FMNL2: variants seen among roughly 807,000 people sequenced by gnomAD.
FMNL2 encodes formin like 2, also known as formin-like protein 2.
In FMNL2, 51 loss-of-function variants were observed where a neutral mutation model predicts 130.2. The ratio of observed to expected loss-of-function variants is 0.39; its 90% CI spans 0.31 to 0.49. FMNL2 has a LOEUF of 0.49. Among genes scored for constraint, FMNL2 ranks in the 20% least tolerant of loss-of-function variants. The pLI, the probability that FMNL2 is intolerant of heterozygous loss-of-function variation, is 0.85. For synonymous variants in FMNL2, 465 were observed against 467.1 expected (o/e 1.00, Z 0.06); for missense variants, 977 against 1,316.2 (o/e 0.74, Z 3.99).
intron 11 of FMNL2, among the ~76,000 whole-genome samples, chr2:152,614,530 G>C (rs760505913): frequency 4.6e-5 from 7 of 152,096 alleles, no homozygotes; most frequent in Admixed American, 6.6e-5. Context: ...GGATCACGAG[G>C]TCAGGAGATC....
At chr2:152,431,692 T>C (rs1687499260) in intron 1 of FMNL2, among the ~76,000 whole-genome samples, 1 of 152,022 alleles carries the variant, frequency 6.6e-6, no homozygotes, top group African/African-American at 2.4e-5. Flanking sequence ...CTGAGCCCAG[T>C]GTGAGGCTCA....
intron 4 of FMNL2, among the ~76,000 whole-genome samples, 177 bp downstream of exon 4, chr2:152,549,274 G>C (rs750179924): frequency 6.6e-6 from 1 of 152,214 alleles, no homozygotes; most frequent in African/African-American, 2.4e-5. Flanking sequence ...ATCAGCAGAA[G>C]CAAGACAGAT....
intron 8 of FMNL2, among the ~76,000 whole-genome samples, chr2:152,580,172 A>G (rs748247956): frequency 5.3e-5 from 8 of 152,232 alleles, no homozygotes; most frequent in Non-Finnish European, 1.0e-4. Context: ...ATTGTGGAGT[A>G]TCAGAACAGT....
intron 1 of FMNL2, among the ~76,000 whole-genome samples, chr2:152,512,066 A>T (rs1387897763): frequency 2.6e-5 from 4 of 152,162 alleles, no homozygotes; most frequent in Non-Finnish European, 5.9e-5. Context: ...ATTTGGCCTC[A>T]TGTTGTCTAA....
At position 152,583,404 on chromosome 2, in the gene FMNL2, A is replaced by G. The variant is rs569009625; in HGVS notation, c.876+2355A>G. 1.1e-4 allele frequency among the ~76,000 whole-genome samples: 17 copies of G among 152,322 alleles called. 1 individual carries two copies. The highest frequency in any genetic ancestry group is 4.1e-4 in the African/African-American group (17 of 41,570). ...TTCAAGTATGAGTTAGAAAATAGTG[A>G]AAGTGTGGAGATTTATTGCAAAGCA... On this transcript the variant is annotated intron_variant, in intron 9 of 25. Transcript: ENST00000288670.
rs1681327992 is a variant in FMNL2 at position 152,335,312 on chromosome 2, G to T, written c.-292G>T. 1.1e-5 allele frequency: 2 copies of T among 184,248 alleles called. No homozygotes were observed. Among genetic ancestry groups the T allele is most frequent in the Non-Finnish European group, 2.2e-5 (2 of 90,214 alleles). The allele number at this position is 184,248 out of a possible 1,614,324, so 11.4% of individuals were successfully genotyped here. On this transcript the variant is annotated 5_prime_UTR_variant, in exon 1 of 26. Transcript: ENST00000288670. ...GCCGCGATCTCTGGCAGGGGGCGGT[G>T]TGCCAGCGGAGCACCATGCACATAG... is the stretch of plus-strand genomic sequence containing the variant.
chr2:152,503,544 G>A (rs1004091264), intron 1 of FMNL2, among the ~76,000 whole-genome samples: 2 of 152,120 alleles, frequency 1.3e-5, no homozygotes, highest in African/African-American at 4.8e-5. Flanking sequence ...GTAGGAGAAT[G>A]TAAAGGAGCC....
At chr2:152,624,069 CCCTCCACTCAATTCCCTTCG>C (rs1186594591) in intron 15 of FMNL2, among the ~76,000 whole-genome samples, 197 of 3,574 alleles carry the variant, frequency 0.055, 25 homozygotes, top group Non-Finnish European at 0.089. Context: ...CCCTCCCCTC[CCCTCCACTCAATTCCCTTCG>C]CCTCCCCTCC....
At chr2:152,508,131 A>G (rs1046167248) in intron 1 of FMNL2, among the ~76,000 whole-genome samples, 1 of 152,148 alleles carries the variant, frequency 6.6e-6, no homozygotes, top group African/African-American at 2.4e-5. Flanking sequence ...ATTTATAAAT[A>G]TATGTATAGA....
rs1428860794 is a variant in FMNL2, at chr2:152,619,595, C to T, written c.1714C>T (p.Pro572Ser). Reference protein sequence around the residue: ...PPPPPPPPPPPPLPGPAAETV... With the variant: ...PPPPPPPPPPSPLPGPAAETV... ...TCCTCCCCCACCGCCCCCTCCGCCT[C>T]CTCCTCTCCCAGGCCCTGCAGCTGA... The change falls in exon 15 of 26, where the codon CCT becomes TCT. Residue 572 changes from proline (P) to serine (S), a missense_variant. Coordinates refer to ENST00000288670, the MANE Select transcript of FMNL2 (RefSeq NM_052905.4). 2 of 1,587,698 alleles carry T rather than the reference C, an allele frequency of 1.3e-6. No homozygotes were observed.
intron 9 of FMNL2, among the ~76,000 whole-genome samples, chr2:152,588,945 G>T (rs1398621348): frequency 6.6e-6 from 1 of 151,916 alleles, no homozygotes; most frequent in East Asian, 1.9e-4. Flanking sequence ...ATAGAGCAGG[G>T]TGTGTTTGGG....
chr2:152,439,105 G>GTA (rs1687924873), intron 1 of FMNL2, among the ~76,000 whole-genome samples: 2 of 151,944 alleles, frequency 1.3e-5, no homozygotes, highest in South Asian at 2.1e-4. Context: ...GTGTGTGTGT[G>GTA]TGTGTGTGTG....
At chr2:152,338,877 G>C (rs148568954) in intron 1 of FMNL2, among the ~76,000 whole-genome samples, 2 of 146,476 alleles carry the variant, frequency 1.4e-5, no homozygotes, top group African/African-American at 5.1e-5. Context: ...CTTTGTGTGT[G>C]TGTATGTGCA....
At chr2:152,410,079 T>C (rs2105995877) in intron 1 of FMNL2, among the ~76,000 whole-genome samples, 1 of 152,316 alleles carries the variant, frequency 6.6e-6, no homozygotes, top group South Asian at 2.1e-4. Flanking sequence ...CGGTCATGTT[T>C]ATGGACTCTT....
intron 1 of FMNL2, among the ~76,000 whole-genome samples, chr2:152,471,140 T>C (rs1689836786): frequency 6.7e-6 from 1 of 150,140 alleles, no homozygotes; most frequent in Non-Finnish European, 1.5e-5. Context: ...TTTTCAAAGC[T>C]GTGTGATTTA....
rs1036699302 is a variant in FMNL2 at position 152,595,981 on chromosome 2, T to C, written c.877-11358T>C. The stretch of plus-strand genomic sequence containing the variant: ...GGAAGTCTTTTTTTTTTTTTTTTTT[T>C]AGACCAAGTCTCACTCTGCTGCCCA... On this transcript the variant is annotated intron_variant, in intron 9 of 25. Transcript: ENST00000288670. Among the ~76,000 whole-genome samples, 16 of 143,220 alleles carry C rather than the reference T, an allele frequency of 1.1e-4. 1 individual carries two copies. Among genetic ancestry groups the C allele is most frequent in the Admixed American group, 8.2e-4 (12 of 14,632 alleles). The allele number at this position is 143,220 out of a possible 152,430, so 94.0% of individuals were successfully genotyped here. A position where few individuals can be genotyped will look rare whatever the true frequency, so the allele number is the denominator to read the frequency against.
At chr2:152,377,992 G>T (rs1230482358) in intron 1 of FMNL2, among the ~76,000 whole-genome samples, 2 of 151,798 alleles carry the variant, frequency 1.3e-5, no homozygotes, top group Admixed American at 6.6e-5. Flanking sequence ...CATGCCTGTA[G>T]TCCCAGCTAC....
chr2:152,559,688 G>A (rs999586061), intron 5 of FMNL2, among the ~76,000 whole-genome samples: 2 of 152,198 alleles, frequency 1.3e-5, no homozygotes, highest in African/African-American at 2.4e-5. Context: ...GCTGAATGGC[G>A]TGGGAGCTGT....
At chr2:152,628,567 C>T in intron 18 of FMNL2, 34 bp downstream of exon 18, 2 of 1,561,316 alleles carry the variant, frequency 1.3e-6, no homozygotes, top group Non-Finnish European at 1.8e-6. Flanking sequence ...GGAGGGGGTC[C>T]AAAGAAATGT....
Sources: allele counts gnomAD v4.1 joint callset (sites outside exome capture counted in the v4.1 genomes callset), GRCh38; gene constraint gnomAD v4.1.1; transcripts MANE v1.5; gene names NCBI Gene and HGNC (gene_info 2026-07-23, HGNC 2026-07-21).